Variants in SLC26A7 observed in about 807,000 individuals in gnomAD.
SLC26A7 encodes anion exchange transporter.
SLC26A7 carries 59 observed loss-of-function variants against 82.5 expected under a neutral mutation model. The ratio of observed to expected loss-of-function variants is 0.72; its 90% CI spans 0.58 to 0.89. SLC26A7 has a LOEUF of 0.89. SLC26A7 is among the 40% of genes least tolerant of loss of function. SLC26A7 has a pLI of 0.00. For synonymous variants in SLC26A7, 271 were observed against 274.3 expected, an observed-to-expected ratio of 0.99 and a Z score of 0.12; for missense variants, 820 against 793.0, an observed-to-expected ratio of 1.03 and a Z score of -0.41.
chr8:91,352,838 C>T (rs1813755240), intron 10 of SLC26A7, 63 bp from the exon 11 acceptor site: 3 of 1,274,394 alleles, frequency 2.4e-6, no homozygotes, highest in Non-Finnish European at 2.2e-6. Flanking sequence ...AATACCTTAG[C>T]CCTTTTAAAT....
intron 1 of SLC26A7, among the ~76,000 whole-genome samples, chr8:91,210,037 A>G (rs1249317708): frequency 6.6e-6 from 1 of 152,214 alleles, no homozygotes; most frequent in African/African-American, 2.4e-5. Context: ...GCATTGTCAT[A>G]AAGCATTATA....
chr8:91,293,543 GT>G (rs1811933819), intron 3 of SLC26A7, among the ~76,000 whole-genome samples: 1 of 152,174 alleles, frequency 6.6e-6, no homozygotes, highest in Non-Finnish European at 1.5e-5. Context: ...GGATATGCCT[GT>G]ACCCATTGCT....
At chr8:91,355,152 G>T (rs542441613) in intron 11 of SLC26A7, among the ~76,000 whole-genome samples, 2 of 152,134 alleles carry the variant, frequency 1.3e-5, no homozygotes, top group East Asian at 3.9e-4. Flanking sequence ...ACAGGTCAAC[G>T]TAATTTTTTT....
rs1303375143 is a variant in SLC26A7 at position 91,395,339 on chromosome 8, T to A, written c.*242T>A. 1.2e-5 allele frequency: 11 copies of A among 902,828 alleles called. No homozygotes were observed. Among genetic ancestry groups the A allele is most frequent in the Non-Finnish European group, 1.6e-5 (11 of 671,516 alleles). The allele number at this position is 902,828 out of a possible 1,614,324, so 55.9% of individuals were successfully genotyped here. On this transcript the variant is annotated 3_prime_UTR_variant, in exon 19 of 19. Transcript: ENST00000276609. ...AAAATCAGTATGTGTTTAGTTTTAG[T>A]GTACTGAAGGGTAAACATGGTTTTA...
intron 2 of SLC26A7, among the ~76,000 whole-genome samples, chr8:91,279,111 A>ATGTGTGTGTGTGTG (rs71562209): frequency 8.7e-6 from 1 of 115,024 alleles, no homozygotes; most frequent in African/African-American, 3.6e-5. Context: ...ATTTCATAGT[A>ATGTGTGTGTGTGTG]TGTGTGTGTG....
At chr8:91,260,040 A>G (rs951982358) in intron 2 of SLC26A7, among the ~76,000 whole-genome samples, 3 of 152,100 alleles carry the variant, frequency 2.0e-5, no homozygotes, top group African/African-American at 7.2e-5. Context: ...TACTAACTTT[A>G]TAGCATTTAT....
chr8:91,267,661 T>C (rs1811151240), intron 2 of SLC26A7, among the ~76,000 whole-genome samples: 1 of 151,874 alleles, frequency 6.6e-6, no homozygotes, highest in African/African-American at 2.4e-5. Context: ...GCTTGGTTAA[T>C]CTAGCTAAAG....
chr8:91,319,182 G>A (rs557230329), intron 5 of SLC26A7, among the ~76,000 whole-genome samples: 3 of 152,078 alleles, frequency 2.0e-5, no homozygotes, highest in Non-Finnish European at 2.9e-5. Flanking sequence ...TGTCATTTCT[G>A]TATTATACAT....
At chr8:91,352,692 C>A (rs1813749951) in intron 10 of SLC26A7, among the ~76,000 whole-genome samples, 1 of 151,800 alleles carries the variant, frequency 6.6e-6, no homozygotes, top group African/African-American at 2.4e-5. Flanking sequence ...ACAAATATTA[C>A]CTTATGAATT....
chr8:91,273,636 A>C (rs1246630692), intron 2 of SLC26A7, among the ~76,000 whole-genome samples: 1 of 152,208 alleles, frequency 6.6e-6, no homozygotes, highest in East Asian at 1.9e-4. Flanking sequence ...ACACTGGAAA[A>C]TATGCTTAGT....
At chr8:91,359,899 C>CGCGT (rs1563698551) in intron 11 of SLC26A7, among the ~76,000 whole-genome samples, 10 of 139,426 alleles carry the variant, frequency 7.2e-5, no homozygotes, top group African/African-American at 2.3e-4. Context: ...TGTGTGTGCG[C>CGCGT]ATGTGTGTGT....
Position 91,218,469 on chromosome 8 carries a change from A to G in SLC26A7, c.-149-421A>G, listed in dbSNP as rs537697848. On this transcript the variant is annotated intron_variant, in intron 1 of 5. Coordinates refer to the SLC26A7 transcript ENST00000522862. ...GTGAACAAAGAATTTTAGGAAGATT[A>G]ATTTCCATGGCAACTGCATGCTGGG... is the stretch of plus-strand genomic sequence containing the variant. 3.3e-5 allele frequency among the ~76,000 whole-genome samples: 5 copies of G among 152,296 alleles called. No homozygotes were observed. The South Asian group carries it at 1.0e-3, about 32-fold the overall frequency.
chr8:91,332,554 A>G (rs1267092904), intron 5 of SLC26A7, among the ~76,000 whole-genome samples: 4 of 145,862 alleles, frequency 2.7e-5, no homozygotes, highest in African/African-American at 1.0e-4. Flanking sequence ...TAGAGACAGG[A>G]TCTCTTTCTG....
intron 4 of SLC26A7, among the ~76,000 whole-genome samples, chr8:91,313,284 T>C (rs916999187): frequency 2.6e-5 from 4 of 152,180 alleles, no homozygotes; most frequent in African/African-American, 9.6e-5. Flanking sequence ...TTGTCAAAAA[T>C]CATGTGACCA....
intron 1 of SLC26A7, among the ~76,000 whole-genome samples, chr8:91,211,840 C>T (rs933202039): frequency 1.3e-5 from 2 of 151,752 alleles, no homozygotes; most frequent in Non-Finnish European, 2.9e-5. Flanking sequence ...GAGGGAGACA[C>T]TGGATGATAA....
At chr8:91,365,762 C>G (rs1297350036) in intron 13 of SLC26A7, among the ~76,000 whole-genome samples, 1 of 152,120 alleles carries the variant, frequency 6.6e-6, no homozygotes, top group Non-Finnish European at 1.5e-5. Flanking sequence ...ATACTTCTAT[C>G]CTCTGTCTGT....
chr8:91,211,855 GT>G (rs935584328), intron 1 of SLC26A7, among the ~76,000 whole-genome samples: 5 of 151,832 alleles, frequency 3.3e-5, no homozygotes, highest in Non-Finnish European at 7.4e-5. Flanking sequence ...TGATAAATGG[GT>G]CTTTATTCTC....
At chr8:91,366,830 C>A in intron 14 of SLC26A7, 113 bp downstream of exon 14, 3 of 1,197,112 alleles carry the variant, frequency 2.5e-6, no homozygotes, top group Admixed American at 4.9e-5. Context: ...GAGACCTCTC[C>A]CTTCAGCAAA....
chr8:91,341,876 G>A (rs1046692638), intron 8 of SLC26A7, among the ~76,000 whole-genome samples: 4 of 152,064 alleles, frequency 2.6e-5, no homozygotes, highest in Non-Finnish European at 4.4e-5. Flanking sequence ...CCCTTTCTGG[G>A]AATTCTGTTC....
Sources: gnomAD v4.1 joint callset for allele counts (sites outside exome capture counted in the v4.1 genomes callset) on GRCh38, gnomAD v4.1.1 for gene constraint, MANE v1.5 for transcripts, NCBI Gene and HGNC (gene_info 2026-07-23, HGNC 2026-07-21) for gene names.